Variants in CCDC198 observed in about 807,000 individuals in gnomAD.
The protein encoded by CCDC198 is coiled-coil domain containing 198.
In CCDC198, 18 loss-of-function variants were observed where a neutral mutation model predicts 35.6. The observed-to-expected ratio is 0.51, with a 90% CI of 0.35 to 0.75. CCDC198 has a LOEUF of 0.75. Among genes scored for constraint, CCDC198 ranks in the 30% least tolerant of loss-of-function variants. The probability of loss-of-function intolerance (pLI) is 0.01; values close to 1 mark genes in which losing one functional copy is unlikely to be tolerated. For missense variants in CCDC198, 365 were observed against 343.7 expected (o/e 1.06, Z -0.49); for synonymous variants, 119 against 113.4 (o/e 1.05, Z -0.31).
chr14:57,481,676 C>T lies in CCDC198; in HGVS notation c.394-16G>A, dbSNP rs1393213687. 2.7e-6 allele frequency: 4 copies of T among 1,500,786 alleles called. No homozygotes were observed. The highest frequency in any genetic ancestry group is 2.8e-5 in the African/African-American group (2 of 72,574). The allele number at this position is 1,500,786 out of a possible 1,614,324, so 93.0% of individuals were successfully genotyped here. On this transcript the variant is annotated splice_polypyrimidine_tract_variant and intron_variant, in intron 3 of 5. Coordinates refer to ENST00000216445, the MANE Select transcript of CCDC198 (RefSeq NM_018168.4). ...CTAGTACCTGCTATGAAAGACAACA[C>T]ACTTGTTAGTATGGGGTAATTTGTT...
chr14:57,474,992 T>C (rs1316131250), intron 5 of CCDC198, among the ~76,000 whole-genome samples: 1 of 152,194 alleles, frequency 6.6e-6, no homozygotes, highest in Non-Finnish European at 1.5e-5. Flanking sequence ...CTGGGCACAG[T>C]GGCTCACGCC....
intron 2 of CCDC198, among the ~76,000 whole-genome samples, chr14:57,488,928 G>A (rs1025790734): frequency 2.0e-5 from 3 of 152,242 alleles, no homozygotes; most frequent in East Asian, 1.9e-4. Context: ...GTTAGTGGGA[G>A]TGTAAATTAG....
chr14:57,478,521 C>G (rs752558739), intron 5 of CCDC198: 3 of 986,904 alleles, frequency 3.0e-6, no homozygotes, highest in Non-Finnish European at 3.6e-6. Context: ...AGGAAAACCC[C>G]TTTCTCCATG....
intron 5 of CCDC198, among the ~76,000 whole-genome samples, chr14:57,473,034 T>C (rs1359397423): frequency 6.6e-6 from 1 of 152,208 alleles, no homozygotes; most frequent in Non-Finnish European, 1.5e-5. Flanking sequence ...AAGTATTTCT[T>C]TTTACCTTGT....
intron 5 of CCDC198, among the ~76,000 whole-genome samples, chr14:57,476,616 G>A (rs371049438): frequency 1.3e-4 from 20 of 152,308 alleles, no homozygotes; most frequent in Admixed American, 2.0e-4. Context: ...CATGTAAAGC[G>A]TGGGAGATTT....
In CCDC198 at chr14:57,480,683, T is replaced by C. The variant is rs760638529; in HGVS notation, c.567A>G (p.Lys189=). 6.2e-7 allele frequency: 1 copy of C among 1,614,196 alleles called. No individual in the cohort carries two copies. Among genetic ancestry groups the C allele is most frequent in the South Asian group, 1.1e-5 (1 of 91,084 alleles). Residue 189 remains lysine (K), a synonymous_variant, in exon 5 of 6, where the codon AAA becomes AAG. Transcript: ENST00000216445. ...RINKQSPRDH[K]AKKTLQSTPR... ...GGGTGCTTTGAAGGGTTTTCTTGGC[T>C]TTATGGTCCCTTGGACTTTGCTTAT...
chr14:57,485,154 G>A (rs924376962), intron 2 of CCDC198, among the ~76,000 whole-genome samples: 1 of 152,184 alleles, frequency 6.6e-6, no homozygotes, highest in Non-Finnish European at 1.5e-5. Context: ...AGACAGGCCA[G>A]TGTAGATGTT....
intron 3 of CCDC198, 65 bp downstream of exon 3, chr14:57,483,000 A>G: frequency 5.6e-6 from 9 of 1,609,854 alleles, no homozygotes; most frequent in Non-Finnish European, 6.8e-6. Context: ...AGTGTGCTCC[A>G]GTGCCCCAAT....
At chr14:57,482,916 A>G in intron 3 of CCDC198, 149 bp downstream of exon 3, 2 of 1,094,832 alleles carry the variant, frequency 1.8e-6, no homozygotes, top group Non-Finnish European at 2.6e-6. Context: ...AGCTTTGAAA[A>G]GTTCTCACTC....
intron 2 of CCDC198, among the ~76,000 whole-genome samples, chr14:57,486,559 A>C (rs563416405): frequency 1.3e-5 from 2 of 152,180 alleles, no homozygotes; most frequent in Admixed American, 1.3e-4. Context: ...AAATATTTTC[A>C]AAACTCTCCC....
Position 57,493,547 on chromosome 14 carries a change from A to G in CCDC198, c.169T>C (p.Leu57=). The change falls in exon 1 of 6, where the codon TTG becomes CTG. Residue 57 remains leucine, a synonymous_variant. Coordinates refer to ENST00000216445, the MANE Select transcript of CCDC198 (RefSeq NM_018168.4). ...LARLQDQNKA[L]EGQLPPLQEN... ...TGTAAAGGTGGCAGCTGCCCTTCCA[A>G]GGCTTTATTCTGGTCCTGCAGTCTT... The G allele has an allele frequency of 6.2e-7, 1 of 1,613,962 alleles. No homozygotes were observed. The highest frequency in any genetic ancestry group is 1.1e-5 in the South Asian group (1 of 91,074).
In CCDC198 at chr14:57,480,243, T is replaced by G. The variant is rs536691278; in HGVS notation, c.655+352A>C. 120 of 985,262 alleles carry G rather than the reference T, an allele frequency of 1.2e-4. 2 individuals carry two copies. In the South Asian group the frequency reaches 4.9e-3, roughly 40 times the overall value. The allele number at this position is 985,262 out of a possible 1,614,324, so 61.0% of individuals were successfully genotyped here. A position where few individuals can be genotyped will look rare whatever the true frequency, so the allele number is the denominator to read the frequency against. ...CAACTCTGCTGAAGCAAATTTGCCA[T>G]GTGACTGCCGGCAATATATCTTCAT... On this transcript the variant is annotated intron_variant, in intron 5 of 5. Transcript: ENST00000216445.
intron 5 of CCDC198, chr14:57,475,785 C>CTTTT: frequency 1.8e-5 from 3 of 165,714 alleles, no homozygotes; most frequent in Non-Finnish European, 2.2e-5. Flanking sequence ...CGGCACTTAG[C>CTTTT]TTCTTTTTTT....
At chr14:57,480,899 A>G (rs1594796271) in intron 4 of CCDC198, 145 bp from the exon 5 acceptor site, 1 of 777,508 alleles carries the variant, frequency 1.3e-6, no homozygotes, top group East Asian at 2.6e-5. Flanking sequence ...TCTTTTTCCT[A>G]TTAGAAGGTA....
chr14:57,493,707 C>G lies in CCDC198; in HGVS notation c.9G>C (p.Leu3=). 1 of 1,612,216 alleles carries G rather than the reference C, an allele frequency of 6.2e-7. No individual in the cohort carries two copies. The highest frequency in any genetic ancestry group is 8.5e-7 in the Non-Finnish European group (1 of 1,178,940). The change falls in exon 1 of 6, where the codon CTG becomes CTC. Residue 3 remains leucine (L), a synonymous_variant. Coordinates refer to ENST00000216445, the MANE Select transcript of CCDC198 (RefSeq NM_018168.4). ...CCCTAAGGTGAGTCTTAGAGTGACT[C>G]AGGCCCATTTCATGTGAAAGACATT... MG[L]SHSKTHLRVI...
intron 2 of CCDC198, among the ~76,000 whole-genome samples, chr14:57,490,483 A>T (rs1226543756): frequency 2.0e-5 from 3 of 152,168 alleles, no homozygotes; most frequent in African/African-American, 2.4e-5. Flanking sequence ...AAGAGTACAG[A>T]CTTTGGAGAC....
Position 57,471,472 on chromosome 14 carries a change from C to A in CCDC198, c.774G>T (p.Trp258Cys). Residue 258 changes from tryptophan (W) to cysteine (C), a missense_variant, in exon 6 of 6, where the codon TGG becomes TGT. Transcript: ENST00000216445. ...CATCTGAGTCAGAGCTGGAACTGTC[C>A]CAGAGAAGCTGTCCCTGGGCCTCTT... ...HEQEAQGQLL[W>C]DSSSSDSDEQ... 1 of 1,613,912 alleles carries A rather than the reference C, an allele frequency of 6.2e-7. No homozygotes were observed. Among genetic ancestry groups the A allele is most frequent in the African/African-American group, 1.3e-5 (1 of 74,946 alleles).
chr14:57,491,012 T>A lies in CCDC198; in HGVS notation c.283A>T (p.Arg95Trp). The change falls in exon 2 of 6, where the codon AGG (arginine) becomes TGG (tryptophan). Residue 95 changes from arginine (R) to tryptophan (W), a missense_variant. By Grantham distance (101) the Arg-to-Trp change is moderately radical. Transcript: ENST00000216445. ...LEHRETSIIKRHPPQRLQKLE... is the reference protein window; with the variant it reads ...LEHRETSIIKWHPPQRLQKLE... ...ACTTGAAGTCTTTGGGGTGGATGCC[T>A]TTTAATAATACTTGTTTCTCTGTGT... The A allele has an allele frequency of 6.2e-7, 1 of 1,605,954 alleles. No homozygotes were observed. The highest frequency in any genetic ancestry group is 8.5e-7 in the Non-Finnish European group (1 of 1,173,118).
chr14:57,485,551 A>T (rs1594808476), intron 2 of CCDC198, among the ~76,000 whole-genome samples: 2 of 152,238 alleles, frequency 1.3e-5, no homozygotes, highest in Non-Finnish European at 2.9e-5. Flanking sequence ...GGTGACCAGA[A>T]TAAAAAGAGA....
Sources: gnomAD v4.1 joint callset for allele counts (sites outside exome capture counted in the v4.1 genomes callset) on GRCh38, gnomAD v4.1.1 for gene constraint, MANE v1.5 for transcripts, NCBI Gene and HGNC (gene_info 2026-07-23, HGNC 2026-07-21) for gene names.